The following NSL1 variants were observed in gnomAD, a reference collection of about 807,000 sequenced individuals.
The protein encoded by NSL1 is NSL1 component of MIS12 kinetochore complex.
NSL1 carries 11 observed loss-of-function variants against 25.4 expected under a neutral mutation model. That is an observed-to-expected ratio of 0.43 (90% confidence interval 0.27 to 0.72). NSL1 has a LOEUF of 0.72. Ranked by LOEUF, NSL1 falls within the 30% of genes least tolerant of loss-of-function variation. The probability of loss-of-function intolerance (pLI) is 0.19; values close to 1 mark genes in which losing one functional copy is unlikely to be tolerated. For missense variants in NSL1, 330 were observed against 342.7 expected, an observed-to-expected ratio of 0.96 and a Z score of 0.29; for synonymous variants, 118 against 120.6, an observed-to-expected ratio of 0.98 and a Z score of 0.14.
At chr1:212,789,190 CTTATT>C (rs932605369) in intron 1 of NSL1, among the ~76,000 whole-genome samples, 1 of 151,640 alleles carries the variant, frequency 6.6e-6, no homozygotes, top group African/African-American at 2.4e-5. Flanking sequence ...AAGTAAAATC[CTTATT>C]TTATTTTTTG....
chr1:212,739,680 AG>A (rs1658412492), intron 4 of NSL1, 79 bp from the exon 5 acceptor site: 1 of 1,390,816 alleles, frequency 7.2e-7, no homozygotes, highest in African/African-American at 1.4e-5. Context: ...ACTATCTGAA[AG>A]GCATATAGAT....
chr1:212,786,179 A>G (rs1416202945), intron 2 of NSL1, among the ~76,000 whole-genome samples: 2 of 151,984 alleles, frequency 1.3e-5, no homozygotes, highest in Admixed American at 6.6e-5. Context: ...CTTTTGGGGT[A>G]CAAGTGGTAT....
At chr1:212,758,686 C>A (rs1419970993) in intron 4 of NSL1, among the ~76,000 whole-genome samples, 1 of 152,164 alleles carries the variant, frequency 6.6e-6, no homozygotes, top group Non-Finnish European at 1.5e-5. Context: ...GAAAACTTAA[C>A]ATTAAGATAG....
chr1:212,777,134 G>T (rs2102392010), intron 4 of NSL1, among the ~76,000 whole-genome samples: 1 of 152,008 alleles, frequency 6.6e-6, no homozygotes, highest in East Asian at 1.9e-4. Flanking sequence ...AGCACTTTTG[G>T]AGGCCAAGGC....
At chr1:212,790,687 C>T (rs1661174234) in intron 1 of NSL1, among the ~76,000 whole-genome samples, 1 of 152,000 alleles carries the variant, frequency 6.6e-6, no homozygotes, top group Non-Finnish European at 1.5e-5. Flanking sequence ...CTTTGGGAGC[C>T]CAAGGCGGGC....
intron 4 of NSL1, among the ~76,000 whole-genome samples, chr1:212,779,090 C>T (rs1043818057): frequency 9.9e-5 from 15 of 151,504 alleles, no homozygotes; most frequent in East Asian, 9.9e-4. Flanking sequence ...TCTGCCCGGC[C>T]GCCCCGTCTG....
Position 212,732,588 on chromosome 1 carries a change from C to A in NSL1, c.*5820G>T, listed in dbSNP as rs1658069378. On this transcript the variant is annotated 3_prime_UTR_variant, in exon 6 of 6. Transcript: ENST00000366977. Reference sequence around the variant, plus strand: ...GGATTACAGGTGTGAGCCACCGCACCCGGCCTACATAGTCTTATTCCAACC... The same window carrying A: ...GGATTACAGGTGTGAGCCACCGCACACGGCCTACATAGTCTTATTCCAACC... The A allele has an allele frequency of 1.0e-6, 1 of 984,428 alleles. No homozygotes were observed. The highest frequency in any genetic ancestry group is 1.2e-6 in the Non-Finnish European group (1 of 829,150). The allele number at this position is 984,428 out of a possible 1,614,324, so 61.0% of individuals were successfully genotyped here. A position where few individuals can be genotyped will look rare whatever the true frequency, so the allele number is the denominator to read the frequency against.
In NSL1 at chr1:212,732,139, T is replaced by A; in HGVS notation, c.*6269A>T. On this transcript the variant is annotated 3_prime_UTR_variant, in exon 6 of 6. Transcript: ENST00000366977. ...GTAACCATGATTACATTTCTTTTTT[T>A]GTACAGCTTTCTGCCTCTACTGTAG... 1 of 984,976 alleles carries A rather than the reference T, an allele frequency of 1.0e-6. No individual in the cohort carries two copies. The highest frequency in any genetic ancestry group is 1.2e-6 in the Non-Finnish European group (1 of 829,540). The allele number at this position is 984,976 out of a possible 1,614,324, so 61.0% of individuals were successfully genotyped here. A position where few individuals can be genotyped will look rare whatever the true frequency, so the allele number is the denominator to read the frequency against.
rs984984861 is a variant in NSL1, at chr1:212,729,129, T to C, written c.*9279A>G. Reference sequence around the variant, plus strand: ...ATTACAGGAATATATTAGTGTTCCATCGTAGTTTCTAAAACCAGACAAAAT... The same window carrying C: ...ATTACAGGAATATATTAGTGTTCCACCGTAGTTTCTAAAACCAGACAAAAT... On this transcript the variant is annotated 3_prime_UTR_variant, in exon 6 of 6. Transcript: ENST00000366977. 37 of 985,360 alleles carry C rather than the reference T, an allele frequency of 3.8e-5. No homozygotes were observed. The highest frequency in any genetic ancestry group is 1.0e-3 in the Middle Eastern group (2 of 1,936). 61.0% of individuals were successfully genotyped at this position (985,360 alleles called of 1,614,324 possible). A position where few individuals can be genotyped will look rare whatever the true frequency, so the allele number is the denominator to read the frequency against.
chr1:212,754,769 C>CCAAAAAAAA (rs1659223377), intron 4 of NSL1, among the ~76,000 whole-genome samples: 1 of 71,320 alleles, frequency 1.4e-5, no homozygotes, highest in Non-Finnish European at 2.6e-5. Flanking sequence ...AATTCTGTCT[C>CCAAAAAAAA]AAAAAAAAAA....
intron 4 of NSL1, among the ~76,000 whole-genome samples, chr1:212,761,407 A>G (rs1659556926): frequency 6.6e-6 from 1 of 152,124 alleles, no homozygotes; most frequent in South Asian, 2.1e-4. Context: ...AAAAATTATT[A>G]GGGAGGAGGA....
chr1:212,745,464 AAG>A (rs1230602704), intron 4 of NSL1, among the ~76,000 whole-genome samples: 1 of 151,954 alleles, frequency 6.6e-6, no homozygotes, highest in Admixed American at 6.6e-5. Context: ...TGAAAGCAAC[AAG>A]AGAGAAGTGA....
intron 4 of NSL1, among the ~76,000 whole-genome samples, chr1:212,759,468 C>T (rs1659458352): frequency 6.6e-6 from 1 of 152,122 alleles, no homozygotes; most frequent in Non-Finnish European, 1.5e-5. Context: ...ATTTCTACTG[C>T]AGAATCCTGC....
Position 212,730,062 on chromosome 1 carries a change from C to A in NSL1, c.*8346G>T. On this transcript the variant is annotated 3_prime_UTR_variant, in exon 6 of 6. Coordinates refer to ENST00000366977, the MANE Select transcript of NSL1 (RefSeq NM_015471.4). Reference sequence around the variant, plus strand: ...GGTCAGGAGTTCGAGACCAGCCTGACCAACATGGCAAAACCTCATCTCTAT... The same window carrying A: ...GGTCAGGAGTTCGAGACCAGCCTGAACAACATGGCAAAACCTCATCTCTAT... 1 of 859,998 alleles carries A rather than the reference C, an allele frequency of 1.2e-6. No homozygotes were observed. Among genetic ancestry groups the A allele is most frequent in the Non-Finnish European group, 1.4e-6 (1 of 716,330 alleles). 53.3% of individuals were successfully genotyped at this position (859,998 alleles called of 1,614,324 possible).
intron 4 of NSL1, among the ~76,000 whole-genome samples, chr1:212,747,956 G>A (rs1658885237): frequency 6.6e-6 from 1 of 152,068 alleles, no homozygotes; most frequent in African/African-American, 2.4e-5. Context: ...GGTAGAGATG[G>A]GGTTTCACCG....
In NSL1 at chr1:212,727,043, G is replaced by A. The variant is rs181909876; in HGVS notation, c.*11365C>T. On this transcript the variant is annotated 3_prime_UTR_variant, in exon 6 of 6. Transcript: ENST00000366977. ...CTCCGGCCTTGGAGATGACTGCCGA[G>A]AGAGGGAGGGCGGGCTCTGGGTCAC... The A allele has an allele frequency of 3.1e-4, 454 of 1,475,280 alleles. 2 individuals carry two copies. In the East Asian group the frequency reaches 0.011, roughly 36 times the overall value. 91.4% of individuals were successfully genotyped at this position (1,475,280 alleles called of 1,614,324 possible).
intron 4 of NSL1, among the ~76,000 whole-genome samples, chr1:212,762,805 G>T (rs1009475988): frequency 1.3e-5 from 2 of 152,210 alleles, no homozygotes; most frequent in African/African-American, 4.8e-5. Context: ...GGCATTCCCA[G>T]TCTCCAGCAT....
rs1010378055 is a variant in NSL1, at chr1:212,731,940, CT to C, written c.*6467del. On this transcript the variant is annotated 3_prime_UTR_variant, in exon 6 of 6. Transcript: ENST00000366977. ...AGGGCCTCCACACCCCACCTTACTG[CT>C]TTAACCAATGTCCATCTAACTGTTC... The C allele has an allele frequency of 1.0e-6, 1 of 985,298 alleles. No homozygotes were observed. 61.0% of individuals were successfully genotyped at this position (985,298 alleles called of 1,614,324 possible).
chr1:212,763,614 A>T (rs1481416890), intron 4 of NSL1, among the ~76,000 whole-genome samples: 3 of 152,252 alleles, frequency 2.0e-5, no homozygotes, highest in Non-Finnish European at 4.4e-5. Flanking sequence ...AATGGAAACC[A>T]AAAGCGAGCA....
Sources: allele counts gnomAD v4.1 joint callset (sites outside exome capture counted in the v4.1 genomes callset), GRCh38; gene constraint gnomAD v4.1.1; transcripts MANE v1.5; gene names NCBI Gene and HGNC (gene_info 2026-07-23, HGNC 2026-07-21).